Variants in KDM3A observed in about 807,000 individuals in gnomAD.
KDM3A encodes the protein lysine demethylase 3A.
Under a neutral mutation model 158.0 loss-of-function variants are expected in KDM3A, and 60 were observed. The ratio of observed to expected loss-of-function variants is 0.38; its 90% confidence interval spans 0.31 to 0.47. KDM3A has a LOEUF of 0.47. KDM3A is among the 20% of genes least tolerant of loss of function. KDM3A has a pLI of 0.99. For missense variants in KDM3A, 1,319 were observed against 1,574.3 expected (o/e 0.84, Z 2.74); for synonymous variants, 608 against 549.3 (o/e 1.11, Z -1.49).
In KDM3A at chr2:86,470,328, G is replaced by A. The variant is rs749367834; in HGVS notation, c.1644G>A (p.Glu548=). Residue 548 remains glutamate (E), a synonymous_variant, in exon 11 of 26, where the codon GAG becomes GAA. Coordinates refer to ENST00000312912, the MANE Select transcript of KDM3A (RefSeq NM_018433.6). ...NIVAQLPKCR[E]CRLDSLRKDK... ...TGGCACAGTTGCCTAAATGCCGAGA[G>A]TGTCGCTTGGACAGTCTCCGCAAGG... 2.5e-6 allele frequency: 4 copies of A among 1,614,066 alleles called. No individual in the cohort carries two copies. Among genetic ancestry groups the A allele is most frequent in the Admixed American group, 1.7e-5 (1 of 60,010 alleles).
intron 10 of KDM3A, among the ~76,000 whole-genome samples, chr2:86,467,905 A>G (rs2104667859): frequency 6.6e-6 from 1 of 152,232 alleles, no homozygotes; most frequent in South Asian, 2.1e-4. Flanking sequence ...CACACCTGTT[A>G]TTCCTAGCTA....
chr2:86,441,968 C>A, intron 1 of KDM3A, 50 bp from the exon 2 acceptor site: 2 of 1,459,876 alleles, frequency 1.4e-6, no homozygotes, highest in Non-Finnish European at 1.9e-6. Context: ...CTCCGCCCGG[C>A]CCCCTCCCAC....
intron 21 of KDM3A, 134 bp from the exon 22 acceptor site, chr2:86,489,184 C>G (rs1006508312): frequency 9.5e-7 from 1 of 1,047,584 alleles, no homozygotes; most frequent in Non-Finnish European, 1.4e-6. Flanking sequence ...AATTTTTTTG[C>G]AATAATTTGA....
At chr2:86,461,606 A>C (rs1157132486) in intron 8 of KDM3A, among the ~76,000 whole-genome samples, 2 of 152,214 alleles carry the variant, frequency 1.3e-5, no homozygotes, top group East Asian at 3.8e-4. Flanking sequence ...GAATAAGTGA[A>C]AGGTACTTTC....
rs780247253 is a variant in KDM3A at position 86,456,792 on chromosome 2, ATTTAT to A, written c.682-9_682-5del. The A allele has an allele frequency of 6.2e-6, 10 of 1,601,400 alleles. No homozygotes were observed. The highest frequency in any genetic ancestry group is 7.7e-6 in the Non-Finnish European group (9 of 1,169,728). On this transcript the variant is annotated splice_polypyrimidine_tract_variant and splice_region_variant and intron_variant, in intron 6 of 25. Transcript: ENST00000312912. ...TTTTATTTTCCGGTATCTTTGTTTC[ATTTAT>A]TTTTAAGATTCCAGCACTGAAAATT...
intron 2 of KDM3A, 38 bp downstream of exon 2, chr2:86,442,271 G>T (rs926204519): frequency 4.5e-6 from 7 of 1,567,180 alleles, no homozygotes; most frequent in African/African-American, 4.1e-5. Context: ...CGGACGTTTC[G>T]CAGTTACCGT....
In KDM3A at chr2:86,482,518, C is replaced by G; in HGVS notation, c.2746C>G (p.Gln916Glu). 1.2e-6 allele frequency: 2 copies of G among 1,614,136 alleles called. No individual in the cohort carries two copies. Among genetic ancestry groups the G allele is most frequent in the Non-Finnish European group, 1.7e-6 (2 of 1,180,016 alleles). Residue 916 changes from glutamine (Q) to glutamate (E), a missense_variant, in exon 18 of 26, where the codon CAA (glutamine) becomes GAA (glutamate). This residue lies in a region of KDM3A where 368 missense variants were observed against 415.8 expected (regional missense o/e 0.89). Transcript: ENST00000312912. ...TGATGACATCTTTGCCTCTTTGGTGCAAAATAAGACGACTTCTGATTTATC... is the reference window on the plus strand; with the variant it reads ...TGATGACATCTTTGCCTCTTTGGTGGAAAATAAGACGACTTCTGATTTATC... ...ILDDIFASLVQNKTTSDLSKR... is the reference protein window; with the variant it reads ...ILDDIFASLVENKTTSDLSKR...
In KDM3A at chr2:86,470,254, C is replaced by T; in HGVS notation, c.1570C>T (p.Gln524Ter). The change falls in exon 11 of 26, where the codon CAA (glutamine) becomes TAA (stop). Residue 524 changes from glutamine to a stop codon, truncating the protein, a stop_gained. Transcript: ENST00000312912. LOFTEE classifies it high-confidence loss of function. ...LTDPAKLKKL[Q>*]QSGEAFVQDD... ...AGACCCAGCTAAACTCAAAAAGCTG[C>T]AACAGAGTGGCGAGGCCTTCGTACA... The T allele has an allele frequency of 6.2e-7, 1 of 1,614,140 alleles. No individual in the cohort carries two copies. Among genetic ancestry groups the T allele is most frequent in the South Asian group, 1.1e-5 (1 of 91,088 alleles).
Position 86,470,390 on chromosome 2 carries a change from G to A in KDM3A, c.1706G>A (p.Arg569His), listed in dbSNP as rs762729197. ...EQQKDSPVFC[R>H]FFHFRRLQFN... ...CAGAAGGACTCACCTGTGTTTTGCC[G>A]CTTCTTTCACTTCAGGAGGTGAGGC... is the stretch of plus-strand genomic sequence containing the variant. The change falls in exon 11 of 26, where the codon CGC becomes CAC. Residue 569 changes from arginine to histidine, a missense_variant. Physicochemically the swap from Arg to His is conservative, Grantham distance 29. This residue lies in a region of KDM3A where 113 missense variants were observed against 190.5 expected (regional missense o/e 0.59). Transcript: ENST00000312912. 62 of 1,613,728 alleles carry A rather than the reference G, an allele frequency of 3.8e-5. No individual in the cohort carries two copies. Among genetic ancestry groups the A allele is most frequent in the Non-Finnish European group, 5.1e-5 (60 of 1,179,832 alleles).
At chr2:86,489,829 T>C (rs1674370769) in intron 23 of KDM3A, 170 bp downstream of exon 23, 10 of 603,910 alleles carry the variant, frequency 1.7e-5, no homozygotes, top group Non-Finnish European at 2.7e-5. Context: ...ACAAGGATTC[T>C]AAATGATTAG....
At chr2:86,489,994 G>A (rs746684994) in intron 23 of KDM3A, 26 of 192,694 alleles carry the variant, frequency 1.3e-4, no homozygotes, top group Non-Finnish European at 2.3e-4. Context: ...GAGAATCTGA[G>A]CACTTCAGAC....
chr2:86,459,651 G>C (rs571393624), intron 8 of KDM3A, among the ~76,000 whole-genome samples: 6 of 152,248 alleles, frequency 3.9e-5, no homozygotes, highest in East Asian at 3.9e-4. Context: ...AATGAGAAAG[G>C]TGTTTGAGCA....
chr2:86,472,803 A>C (rs1387843786), intron 11 of KDM3A, among the ~76,000 whole-genome samples: 2 of 152,176 alleles, frequency 1.3e-5, no homozygotes, highest in Non-Finnish European at 2.9e-5. Context: ...TACCTCTGCA[A>C]GTTCTTCCTG....
At chr2:86,481,494 TTTG>T (rs760794655) in intron 16 of KDM3A, among the ~76,000 whole-genome samples, 8 of 150,608 alleles carry the variant, frequency 5.3e-5, no homozygotes, top group Non-Finnish European at 7.5e-5. Context: ...TTTGTTTGGT[TTTG>T]TTTTTTTTTT....
At chr2:86,473,326 A>G (rs1265269408) in intron 11 of KDM3A, among the ~76,000 whole-genome samples, 1 of 152,008 alleles carries the variant, frequency 6.6e-6, no homozygotes, top group Admixed American at 6.6e-5. Flanking sequence ...ATGCCTGGCT[A>G]ATTAGAAAAA....
chr2:86,486,010 C>G, intron 21 of KDM3A, 151 bp downstream of exon 21: 1 of 815,782 alleles, frequency 1.2e-6, no homozygotes, highest in Middle Eastern at 3.5e-4. Context: ...CCTTTCGTTC[C>G]CTGGCCACAT....
chr2:86,456,686 G>C (rs1672713896), intron 6 of KDM3A, 119 bp from the exon 7 acceptor site: 4 of 1,287,848 alleles, frequency 3.1e-6, no homozygotes, highest in Non-Finnish European at 4.4e-6. Flanking sequence ...AATAATTACA[G>C]TTGTTTTAAA....
rs561728148 is a variant in KDM3A at position 86,449,932 on chromosome 2, T to C, written c.312T>C (p.Ile104=). ...LVLAERKSPE[I]SERIVQWPAI... ...TAGCTGAACGAAAGTCACCTGAAATTTCTGAACGAATTGTACAGTGGCCTG... is the reference window on the plus strand; with the variant it reads ...TAGCTGAACGAAAGTCACCTGAAATCTCTGAACGAATTGTACAGTGGCCTG... Residue 104 remains isoleucine, a synonymous_variant, in exon 3 of 26, where the codon ATT becomes ATC. Coordinates refer to ENST00000312912, the MANE Select transcript of KDM3A (RefSeq NM_018433.6). 7 of 1,613,782 alleles carry C rather than the reference T, an allele frequency of 4.3e-6. No homozygotes were observed. The South Asian group carries it at 7.7e-5, about 18-fold the overall frequency.
At chr2:86,484,200 G>A in intron 19 of KDM3A, 42 bp downstream of exon 19, 1 of 1,555,918 alleles carries the variant, frequency 6.4e-7, no homozygotes, top group Non-Finnish European at 8.8e-7. Flanking sequence ...GGATGTGAAA[G>A]GAGGGGACAC....
Sources: gnomAD v4.1 joint callset for allele counts (sites outside exome capture counted in the v4.1 genomes callset) on GRCh38, gnomAD v4.1.1 for gene constraint, gnomAD v4.1.1 regional missense constraint, MANE v1.5 for transcripts, NCBI Gene and HGNC (gene_info 2026-07-23, HGNC 2026-07-21) for gene names.